The following RBFOX1 variants were observed in gnomAD, a reference collection of about 807,000 sequenced individuals.
The protein encoded by RBFOX1 is RNA binding protein fox-1 homolog 1.
RBFOX1 carries 8 observed loss-of-function variants against 57.7 expected under a neutral mutation model. The observed-to-expected ratio is 0.14, with a 90% CI of 0.08 to 0.25. The LOEUF (loss-of-function observed/expected upper bound fraction) is 0.25, where lower values mean the gene tolerates loss of function less well. RBFOX1 is among the 10% of genes least tolerant of loss of function. The probability of loss-of-function intolerance (pLI) is 1.00; values close to 1 mark genes in which losing one functional copy is unlikely to be tolerated. For synonymous variants in RBFOX1, 326 were observed against 222.4 expected, an observed-to-expected ratio of 1.47 and a Z score of -4.15; for missense variants, 611 against 548.5, an observed-to-expected ratio of 1.11 and a Z score of -1.14.
intron 4 of RBFOX1, among the ~76,000 whole-genome samples, chr16:7,492,536 C>T (rs1188111524): frequency 1.3e-5 from 2 of 152,098 alleles, no homozygotes; most frequent in East Asian, 3.9e-4. Flanking sequence ...TAAAACGACA[C>T]TAAATAAAAT....
chr16:6,678,126 T>TTGTTG (rs1411498301), intron 3 of RBFOX1, among the ~76,000 whole-genome samples: 2 of 152,212 alleles, frequency 1.3e-5, no homozygotes, highest in Non-Finnish European at 2.9e-5. Flanking sequence ...TTGTTTTGTT[T>TTGTTG]TGTTGTGTTG....
chr16:5,896,317 C>A (rs550742096), intron 4 of RBFOX1, among the ~76,000 whole-genome samples: 108 of 152,206 alleles, frequency 7.1e-4, no homozygotes, highest in African/African-American at 2.6e-3. Flanking sequence ...GTGTTTTGAT[C>A]GTGGGCAAGG....
chr16:6,930,171 C>G (rs1308729923), intron 3 of RBFOX1, among the ~76,000 whole-genome samples: 1 of 152,116 alleles, frequency 6.6e-6, no homozygotes, highest in African/African-American at 2.4e-5. Context: ...AGATATTATC[C>G]CATCTTTGAT....
intron 3 of RBFOX1, among the ~76,000 whole-genome samples, chr16:5,678,998 G>A (rs1405735077): frequency 1.3e-5 from 2 of 152,194 alleles, no homozygotes; most frequent in Non-Finnish European, 2.9e-5. Flanking sequence ...GGAAGGCTAA[G>A]ATGCAAAATG....
At chr16:7,325,960 G>C (rs1340962010) in intron 4 of RBFOX1, among the ~76,000 whole-genome samples, 2 of 152,132 alleles carry the variant, frequency 1.3e-5, no homozygotes, top group African/African-American at 4.8e-5. Flanking sequence ...TCTCAGTTCT[G>C]GTTCAAGCTG....
chr16:5,801,296 T>C (rs1265513402), intron 3 of RBFOX1, among the ~76,000 whole-genome samples: 2 of 151,746 alleles, frequency 1.3e-5, no homozygotes, highest in Non-Finnish European at 2.9e-5. Flanking sequence ...TTTCAAATTA[T>C]GCAGATTTTA....
intron 2 of RBFOX1, among the ~76,000 whole-genome samples, chr16:6,645,776 T>A (rs971571215): frequency 6.6e-6 from 1 of 152,160 alleles, no homozygotes; most frequent in Non-Finnish European, 1.5e-5. Flanking sequence ...TAACTTGCCA[T>A]ATGCTAAGAC....
At chr16:6,714,298 A>G (rs1321335254) in intron 3 of RBFOX1, among the ~76,000 whole-genome samples, 1 of 152,178 alleles carries the variant, frequency 6.6e-6, no homozygotes, top group Non-Finnish European at 1.5e-5. Context: ...ATTTCATTAT[A>G]GTATTGTGAA....
chr16:6,200,511 C>G (rs772351833), intron 1 of RBFOX1, among the ~76,000 whole-genome samples: 1 of 152,080 alleles, frequency 6.6e-6, no homozygotes, highest in Non-Finnish European at 1.5e-5. Flanking sequence ...CTAAAAATCA[C>G]CACTCTGTGT....
intron 7 of RBFOX1, among the ~76,000 whole-genome samples, chr16:7,588,384 C>A (rs2094244819): frequency 6.6e-6 from 1 of 152,148 alleles, no homozygotes; most frequent in Non-Finnish European, 1.5e-5. Context: ...GGCTCAGCAA[C>A]CTGTGTTTTA....
At chr16:7,196,395 A>C (rs1237484864) in intron 4 of RBFOX1, among the ~76,000 whole-genome samples, 1 of 152,096 alleles carries the variant, frequency 6.6e-6, no homozygotes, top group Non-Finnish European at 1.5e-5. Flanking sequence ...TTTGCCACTG[A>C]CTTGCTTAGC....
chr16:6,940,027 C>T (rs558185814), intron 3 of RBFOX1, among the ~76,000 whole-genome samples: 39 of 152,200 alleles, frequency 2.6e-4, no homozygotes, highest in African/African-American at 8.9e-4. Context: ...TCAGCCTGGC[C>T]TACAGGGCAA....
At chr16:7,400,605 G>A (rs9941228) in intron 4 of RBFOX1, among the ~76,000 whole-genome samples, 39 of 152,182 alleles carry the variant, frequency 2.6e-4, no homozygotes, top group African/African-American at 9.2e-4. Flanking sequence ...TTGGAAATAG[G>A]TGGTATTGCT....
At chr16:7,322,498 C>T (rs1471275432) in intron 4 of RBFOX1, among the ~76,000 whole-genome samples, 1 of 152,250 alleles carries the variant, frequency 6.6e-6, no homozygotes, top group African/African-American at 2.4e-5. Context: ...GAAAGTACAG[C>T]ACATCTTGCT....
intron 5 of RBFOX1, among the ~76,000 whole-genome samples, chr16:7,577,908 C>T (rs1485789478): frequency 6.6e-6 from 1 of 152,192 alleles, no homozygotes; most frequent in Non-Finnish European, 1.5e-5. Context: ...AAAACAACAA[C>T]AAAAGACAAT....
intron 4 of RBFOX1, among the ~76,000 whole-genome samples, chr16:7,144,530 T>C (rs1023309967): frequency 2.0e-5 from 3 of 148,668 alleles, no homozygotes; most frequent in African/African-American, 7.4e-5. Context: ...GCTCAAGCGA[T>C]GTTCCTGCCT....
At chr16:6,121,774 G>T (rs966553532) in intron 1 of RBFOX1, among the ~76,000 whole-genome samples, 2 of 152,164 alleles carry the variant, frequency 1.3e-5, no homozygotes, top group Non-Finnish European at 2.9e-5. Flanking sequence ...ATCTCTCTCA[G>T]ACTGTTTCCT....
intron 3 of RBFOX1, among the ~76,000 whole-genome samples, chr16:6,740,642 G>C (rs1371777525): frequency 6.6e-6 from 1 of 151,990 alleles, no homozygotes; most frequent in East Asian, 1.9e-4. Context: ...TAATCACCCA[G>C]AAAAAAGGGA....
chr16:7,661,531 C>T (rs1388208254), intron 12 of RBFOX1, among the ~76,000 whole-genome samples: 2 of 152,136 alleles, frequency 1.3e-5, no homozygotes, highest in East Asian at 3.9e-4. Flanking sequence ...TGCTGCTGGC[C>T]CTGCCTCCTT....
Sources: gnomAD v4.1 joint callset for allele counts (sites outside exome capture counted in the v4.1 genomes callset) on GRCh38, gnomAD v4.1.1 for gene constraint, MANE v1.5 for transcripts, NCBI Gene and HGNC (gene_info 2026-07-23, HGNC 2026-07-21) for gene names.